LIPI: variants seen among roughly 807,000 people sequenced by gnomAD.
LIPI encodes the protein lipase I.
In LIPI, 59 loss-of-function variants were observed where a neutral mutation model predicts 50.6. That is an observed-to-expected ratio of 1.16 (90% CI 0.94 to 1.45). The LOEUF (loss-of-function observed/expected upper bound fraction) is 1.45, where lower values mean the gene tolerates loss of function less well. LIPI is among the 40% of genes most tolerant of loss of function. LIPI has a pLI of 0.00. For synonymous variants in LIPI, 203 were observed against 178.2 expected (o/e 1.14, Z -1.11); for missense variants, 586 against 536.3 (o/e 1.09, Z -0.92).
At chr21:14,158,406 T>C (rs1354705502) in intron 7 of LIPI, among the ~76,000 whole-genome samples, 1 of 151,274 alleles carries the variant, frequency 6.6e-6, no homozygotes, top group Non-Finnish European at 1.5e-5. Flanking sequence ...AGATACAACA[T>C]ATCAAAACAC....
At chr21:14,169,671 C>A (rs2018821152) in intron 4 of LIPI, among the ~76,000 whole-genome samples, 1 of 152,128 alleles carries the variant, frequency 6.6e-6, no homozygotes, top group African/African-American at 2.4e-5. Context: ...CCAATGAGAA[C>A]AAAGACACAA....
chr21:14,166,994 G>A (rs9983384), intron 4 of LIPI, among the ~76,000 whole-genome samples: 38,559 of 152,178 alleles, frequency 0.25, 5,211 homozygotes, highest in Middle Eastern at 0.34. Flanking sequence ...CTGGAAAATC[G>A]GGTCACTCCC....
At chr21:14,138,421 A>G (rs1174666008) in intron 9 of LIPI, among the ~76,000 whole-genome samples, 1 of 152,130 alleles carries the variant, frequency 6.6e-6, no homozygotes, top group African/African-American at 2.4e-5. Context: ...TTTTAAAAGA[A>G]TCTGGAAATG....
chr21:14,132,028 C>T (rs943663166), intron 9 of LIPI, among the ~76,000 whole-genome samples: 2 of 152,002 alleles, frequency 1.3e-5, no homozygotes, highest in African/African-American at 2.4e-5. Flanking sequence ...AAAAAACAAG[C>T]AAATAAACAA....
intron 2 of LIPI, 40 bp downstream of exon 2, chr21:14,188,994 A>G: frequency 6.7e-7 from 1 of 1,488,194 alleles, no homozygotes; most frequent in Non-Finnish European, 9.3e-7. Context: ...CGTATAATAT[A>G]TTGTATAGCA....
In LIPI at chr21:14,156,972, TAGA is replaced by T. The variant is rs537604669; in HGVS notation, c.1007-4291_1007-4289del. ...TTAGAAATATATTATTGGAAACTGG[TAGA>T]AGAAGAATCCTCACTACATCGTGGC... is the stretch of plus-strand genomic sequence containing the variant. On this transcript the variant is annotated intron_variant, in intron 7 of 9. Coordinates refer to ENST00000681601, the MANE Select transcript of LIPI (RefSeq NM_001302998.2). 2.4e-4 allele frequency among the ~76,000 whole-genome samples: 37 copies of T among 151,936 alleles called. No individual in the cohort carries two copies. In the South Asian group the frequency reaches 6.0e-3, roughly 25 times the overall value.
At position 14,122,611 on chromosome 21, in the gene LIPI, A is replaced by G. The variant is rs188107282; in HGVS notation, c.1296-13531T>C. Among the ~76,000 whole-genome samples the G allele has an allele frequency of 1.7e-3, 260 of 152,280 alleles. 1 individual carries two copies. Among genetic ancestry groups the G allele is most frequent in the Non-Finnish European group, 3.0e-3 (207 of 68,008 alleles). On this transcript the variant is annotated intron_variant, in intron 9 of 9. Transcript: ENST00000681601. Reference sequence around the variant, plus strand: ...ATCATAATAGAAGAACCAGAAGAAGAATGTCCTGATTGTAACTTTCAACGG... The same window carrying G: ...ATCATAATAGAAGAACCAGAAGAAGGATGTCCTGATTGTAACTTTCAACGG...
intron 9 of LIPI, among the ~76,000 whole-genome samples, chr21:14,114,347 T>C (rs907324498): frequency 6.6e-6 from 1 of 152,096 alleles, no homozygotes; most frequent in Non-Finnish European, 1.5e-5. Flanking sequence ...TACAGGCCTG[T>C]TTTGAAGATT....
At chr21:14,197,637 A>G (rs1315014871) in intron 1 of LIPI, among the ~76,000 whole-genome samples, 1 of 152,160 alleles carries the variant, frequency 6.6e-6, no homozygotes, top group African/African-American at 2.4e-5. Context: ...AAATAAATCT[A>G]TGACTCACTG....
chr21:14,157,012 T>C (rs1030137112), intron 7 of LIPI, among the ~76,000 whole-genome samples: 4 of 151,836 alleles, frequency 2.6e-5, no homozygotes, highest in Admixed American at 6.6e-5. Flanking sequence ...GGTAGCTTAG[T>C]GGAATTATGT....
chr21:14,110,147 A>AT (rs1297104248), intron 9 of LIPI, among the ~76,000 whole-genome samples: 1 of 151,722 alleles, frequency 6.6e-6, no homozygotes, highest in Non-Finnish European at 1.5e-5. Flanking sequence ...AGTAATAAAA[A>AT]TTTTTTATGA....
intron 8 of LIPI, among the ~76,000 whole-genome samples, chr21:14,147,764 C>A (rs1046474814): frequency 2.0e-5 from 3 of 152,134 alleles, no homozygotes; most frequent in Admixed American, 2.0e-4. Context: ...AGATTGGTTT[C>A]TTTCCTTAAC....
At chr21:14,160,179 T>C (rs2018413173) in intron 7 of LIPI, among the ~76,000 whole-genome samples, 2 of 151,258 alleles carry the variant, frequency 1.3e-5, no homozygotes, top group Non-Finnish European at 3.0e-5. Context: ...AAAATAATCA[T>C]GACAAAGAAG....
intron 7 of LIPI, among the ~76,000 whole-genome samples, chr21:14,156,386 T>C (rs1255811808): frequency 6.6e-6 from 1 of 151,734 alleles, no homozygotes; most frequent in Non-Finnish European, 1.5e-5. Context: ...TGATATAATA[T>C]GAAGACTCAG....
At chr21:14,171,003 C>T (rs1421160159) in intron 4 of LIPI, among the ~76,000 whole-genome samples, 1 of 151,078 alleles carries the variant, frequency 6.6e-6, no homozygotes, top group African/African-American at 2.4e-5. Context: ...AGCTGATAAG[C>T]AACTTCAGCA....
At chr21:14,161,928 C>A (rs887369255) in intron 7 of LIPI, among the ~76,000 whole-genome samples, 119 of 122,900 alleles carry the variant, frequency 9.7e-4, no homozygotes, top group African/African-American at 3.2e-3. Context: ...ATATGTATTT[C>A]TCTATTTATA....
intron 7 of LIPI, among the ~76,000 whole-genome samples, chr21:14,158,734 C>T (rs142775755): frequency 2.0e-5 from 3 of 149,590 alleles, no homozygotes; most frequent in East Asian, 1.9e-4. Context: ...CCAATAAAAT[C>T]GATAAACCAT....
chr21:14,156,197 T>A (rs928986003), intron 7 of LIPI, among the ~76,000 whole-genome samples: 10 of 151,932 alleles, frequency 6.6e-5, no homozygotes, highest in Non-Finnish European at 1.3e-4. Context: ...TAGCAAAGGA[T>A]AATTAAGATT....
intron 9 of LIPI, chr21:14,143,484 T>C (rs1467195990): frequency 6.6e-6 from 1 of 152,194 alleles, no homozygotes; most frequent in African/African-American, 2.4e-5. Context: ...TTATCATTTA[T>C]TATTTTTATT....
Sources: allele counts gnomAD v4.1 joint callset (sites outside exome capture counted in the v4.1 genomes callset), GRCh38; gene constraint gnomAD v4.1.1; transcripts MANE v1.5; gene names NCBI Gene and HGNC (gene_info 2026-07-23, HGNC 2026-07-21).